Variants in ST6GALNAC3 observed in about 807,000 individuals in gnomAD.
The protein encoded by ST6GALNAC3 is ST6 N-acetylgalactosaminide alpha-2,6-sialyltransferase 3.
ST6GALNAC3 carries 25 observed loss-of-function variants against 32.7 expected under a neutral mutation model. The observed-to-expected ratio is 0.76, with a 90% CI of 0.56 to 1.07. ST6GALNAC3 has a LOEUF of 1.07. Among genes scored for constraint, ST6GALNAC3 ranks in the 50% least tolerant of loss-of-function variants. The pLI, the probability that ST6GALNAC3 is intolerant of heterozygous loss-of-function variation, is 0.00. For missense variants in ST6GALNAC3, 355 were observed against 382.4 expected (o/e 0.93, Z 0.60); for synonymous variants, 129 against 133.1 (o/e 0.97, Z 0.21).
intron 1 of ST6GALNAC3, among the ~76,000 whole-genome samples, chr1:76,278,832 A>C (rs772154369): frequency 6.6e-6 from 1 of 152,132 alleles, no homozygotes; most frequent in Non-Finnish European, 1.5e-5. Flanking sequence ...CACAGAGCGA[A>C]TGTGTTTATG....
chr1:76,611,136 T>A (rs1057392312), intron 3 of ST6GALNAC3, among the ~76,000 whole-genome samples: 6 of 152,060 alleles, frequency 3.9e-5, no homozygotes, highest in African/African-American at 1.4e-4. Context: ...TAATCCATCT[T>A]TAGTTAGTGT....
At chr1:76,354,213 A>G (rs1289485025) in intron 2 of ST6GALNAC3, 6 of 151,816 alleles carry the variant, frequency 4.0e-5, no homozygotes. Context: ...ACCCAGTTCA[A>G]TGTTTCAGGG....
intron 3 of ST6GALNAC3, among the ~76,000 whole-genome samples, chr1:76,572,028 A>T (rs1665890327): frequency 6.6e-6 from 1 of 152,090 alleles, no homozygotes. Context: ...TTTTTTCTTA[A>T]ACAAGTTAAA....
At chr1:76,312,534 G>C (rs1646785837) in intron 1 of ST6GALNAC3, among the ~76,000 whole-genome samples, 1 of 151,514 alleles carries the variant, frequency 6.6e-6, no homozygotes, top group South Asian at 2.1e-4. Flanking sequence ...GTTTGACAAA[G>C]GGCTAATATC....
chr1:76,249,971 G>T (rs570003739), intron 1 of ST6GALNAC3, among the ~76,000 whole-genome samples: 63 of 152,234 alleles, frequency 4.1e-4, no homozygotes, highest in Middle Eastern at 6.8e-3. Context: ...TTGTTGAGTT[G>T]TAAGAGTGCT....
chr1:76,359,179 C>T (rs575764880), intron 2 of ST6GALNAC3, among the ~76,000 whole-genome samples: 4 of 152,088 alleles, frequency 2.6e-5, no homozygotes, highest in Admixed American at 2.0e-4. Flanking sequence ...AGTGGGGAAC[C>T]ATTTTAAGAG....
At chr1:76,141,966 A>T (rs1360434545) in intron 1 of ST6GALNAC3, among the ~76,000 whole-genome samples, 1 of 152,214 alleles carries the variant, frequency 6.6e-6, no homozygotes, top group African/African-American at 2.4e-5. Context: ...TTGGCACCTG[A>T]TCAAGTGCTA....
chr1:76,344,853 A>ATGTGAAACGTTCACAGTGAGCTG (rs1553182251), intron 2 of ST6GALNAC3, among the ~76,000 whole-genome samples: 1 of 152,136 alleles, frequency 6.6e-6, no homozygotes, highest in Non-Finnish European at 1.5e-5. Context: ...GTGAAACGTT[A>ATGTGAAACGTTCACAGTGAGCTG]TGAGGTAGGA....
chr1:76,222,296 C>A (rs1051419691), intron 1 of ST6GALNAC3, among the ~76,000 whole-genome samples: 3 of 152,048 alleles, frequency 2.0e-5, no homozygotes, highest in African/African-American at 7.2e-5. Flanking sequence ...CTGTAAAAGC[C>A]TTGGAAGATA....
At chr1:76,618,007 G>A (rs1354929754) in intron 3 of ST6GALNAC3, among the ~76,000 whole-genome samples, 2 of 152,068 alleles carry the variant, frequency 1.3e-5, no homozygotes, top group Non-Finnish European at 2.9e-5. Context: ...GAAATTACAA[G>A]CACAGATCTA....
chr1:76,178,159 A>G (rs1440989464), intron 1 of ST6GALNAC3, among the ~76,000 whole-genome samples: 3 of 152,250 alleles, frequency 2.0e-5, no homozygotes, highest in African/African-American at 7.2e-5. Flanking sequence ...AAACACAGGA[A>G]GATTAAACAT....
At chr1:76,385,371 C>T (rs1232179192) in intron 2 of ST6GALNAC3, among the ~76,000 whole-genome samples, 1 of 152,082 alleles carries the variant, frequency 6.6e-6, no homozygotes, top group Non-Finnish European at 1.5e-5. Context: ...TTCTTTCCAT[C>T]TATATTACAT....
At chr1:76,288,150 G>T (rs1472659449) in intron 1 of ST6GALNAC3, among the ~76,000 whole-genome samples, 1 of 152,192 alleles carries the variant, frequency 6.6e-6, no homozygotes. Flanking sequence ...GAGCCTGTGG[G>T]CCTAAGGTAT....
At chr1:76,170,321 G>A (rs1652404931) in intron 1 of ST6GALNAC3, among the ~76,000 whole-genome samples, 2 of 152,156 alleles carry the variant, frequency 1.3e-5, no homozygotes, top group Non-Finnish European at 2.9e-5. Context: ...GCTGTTGGGG[G>A]AGCTCCTGCT....
intron 1 of ST6GALNAC3, among the ~76,000 whole-genome samples, chr1:76,200,844 A>G (rs957504657): frequency 2.6e-5 from 4 of 152,096 alleles, no homozygotes; most frequent in Non-Finnish European, 5.9e-5. Flanking sequence ...AGAGACTACA[A>G]TCTCTCAGTG....
chr1:76,357,451 C>T (rs186175107), intron 2 of ST6GALNAC3, among the ~76,000 whole-genome samples: 21 of 152,234 alleles, frequency 1.4e-4, no homozygotes, highest in African/African-American at 4.8e-4. Context: ...CACATCCTTC[C>T]ACATGTCTTC....
At chr1:76,506,636 C>T (rs1033668216) in intron 3 of ST6GALNAC3, among the ~76,000 whole-genome samples, 1 of 152,162 alleles carries the variant, frequency 6.6e-6, no homozygotes, top group African/African-American at 2.4e-5. Flanking sequence ...CACATTTATA[C>T]TTGAAGGTAG....
chr1:76,091,135 T>C (rs1313072054), intron 1 of ST6GALNAC3, among the ~76,000 whole-genome samples: 2 of 152,230 alleles, frequency 1.3e-5, no homozygotes, highest in East Asian at 1.9e-4. Flanking sequence ...GATCTTGCAC[T>C]GGCCCCAGAC....
chr1:76,092,702 T>C (rs1647065840), intron 1 of ST6GALNAC3, among the ~76,000 whole-genome samples: 1 of 152,200 alleles, frequency 6.6e-6, no homozygotes, highest in Non-Finnish European at 1.5e-5. Context: ...GACTTCATAA[T>C]TTTGAACAAG....
Sources: gnomAD v4.1 joint callset for allele counts (sites outside exome capture counted in the v4.1 genomes callset) on GRCh38, gnomAD v4.1.1 for gene constraint, MANE v1.5 for transcripts, NCBI Gene and HGNC (gene_info 2026-07-23, HGNC 2026-07-21) for gene names.